GPC6: variants seen among roughly 807,000 people sequenced by gnomAD.
The protein encoded by GPC6 is glypican 6, also known as glypican-6.
GPC6 carries 14 observed loss-of-function variants against 55.2 expected under a neutral mutation model. The observed-to-expected ratio is 0.25, with a 90% confidence interval of 0.17 to 0.40. GPC6 has a LOEUF of 0.40. GPC6 is among the 10% of genes least tolerant of loss of function. The probability of loss-of-function intolerance (pLI) is 1.00; values close to 1 mark genes in which losing one functional copy is unlikely to be tolerated. For synonymous variants in GPC6, 278 were observed against 259.6 expected (o/e 1.07, Z -0.68); for missense variants, 641 against 708.5 (o/e 0.90, Z 1.08).
intron 6 of GPC6, among the ~76,000 whole-genome samples, chr13:94,332,709 G>A (rs963185937): frequency 3.3e-5 from 5 of 152,172 alleles, no homozygotes; most frequent in South Asian, 2.1e-4. Flanking sequence ...GATTATTTTC[G>A]AAAAGGTTTT....
intron 2 of GPC6, among the ~76,000 whole-genome samples, chr13:93,546,595 A>G (rs1386463866): frequency 1.3e-5 from 2 of 152,202 alleles, no homozygotes; most frequent in African/African-American, 4.8e-5. Flanking sequence ...GTGGATGTAT[A>G]TGAAAATAAT....
chr13:93,780,594 TAC>T (rs35134947), intron 2 of GPC6, among the ~76,000 whole-genome samples: 52,291 of 143,610 alleles, frequency 0.36, 9,451 homozygotes, highest in African/African-American at 0.47. Context: ...ATCACAAAAA[TAC>T]ACACACACAC....
At chr13:93,654,120 A>T (rs1190715465) in intron 2 of GPC6, among the ~76,000 whole-genome samples, 2 of 151,898 alleles carry the variant, frequency 1.3e-5, no homozygotes, top group Admixed American at 1.3e-4. Flanking sequence ...TTATTTGTAG[A>T]CCCTCCTTCT....
chr13:93,563,949 T>C (rs1171378519), intron 2 of GPC6, among the ~76,000 whole-genome samples: 1 of 152,082 alleles, frequency 6.6e-6, no homozygotes, highest in African/African-American at 2.4e-5. Flanking sequence ...AGTTCTTCAG[T>C]GGTGATTTCT....
At chr13:93,914,403 T>A (rs1054579083) in intron 3 of GPC6, among the ~76,000 whole-genome samples, 4 of 152,196 alleles carry the variant, frequency 2.6e-5, no homozygotes, top group African/African-American at 9.7e-5. Flanking sequence ...TAACTCATCA[T>A]TTTTTATGGC....
At chr13:94,361,976 T>C (rs535164690) in intron 6 of GPC6, among the ~76,000 whole-genome samples, 3 of 152,334 alleles carry the variant, frequency 2.0e-5, no homozygotes, top group Non-Finnish European at 2.9e-5. Flanking sequence ...TTATAAAAAA[T>C]CCTTTCTAAG....
chr13:93,499,064 A>G (rs184266792), intron 1 of GPC6, among the ~76,000 whole-genome samples: 2 of 150,674 alleles, frequency 1.3e-5, no homozygotes, highest in African/African-American at 4.9e-5. Context: ...ACAAAAATTA[A>G]CATAGTATAT....
chr13:93,980,532 T>C (rs1033231898), intron 3 of GPC6, among the ~76,000 whole-genome samples: 1 of 152,158 alleles, frequency 6.6e-6, no homozygotes, highest in Non-Finnish European at 1.5e-5. Context: ...AGGGATGGCA[T>C]TGGCACTCTA....
chr13:94,345,941 C>G (rs1878263684), intron 6 of GPC6, among the ~76,000 whole-genome samples: 2 of 152,104 alleles, frequency 1.3e-5, no homozygotes, highest in Admixed American at 6.5e-5. Context: ...CAGGCCTTCT[C>G]TAAGCTTCTA....
intron 4 of GPC6, among the ~76,000 whole-genome samples, chr13:94,259,267 C>A (rs1042653680): frequency 4.6e-5 from 7 of 152,156 alleles, no homozygotes; most frequent in Admixed American, 1.3e-4. Context: ...AAACCAATAA[C>A]CAACAAGGAG....
chr13:93,436,888 T>C (rs1877591417), intron 1 of GPC6, among the ~76,000 whole-genome samples: 1 of 152,126 alleles, frequency 6.6e-6, no homozygotes, highest in South Asian at 2.1e-4. Context: ...TAGTGCTTTT[T>C]TGGGGGGTTT....
chr13:93,690,498 T>TAA, intron 2 of GPC6, among the ~76,000 whole-genome samples: 1 of 152,098 alleles, frequency 6.6e-6, no homozygotes, highest in African/African-American at 2.4e-5. Flanking sequence ...TAGAATTTTC[T>TAA]GATTCTAAAA....
intron 2 of GPC6, among the ~76,000 whole-genome samples, chr13:93,821,874 T>C (rs928648708): frequency 2.0e-5 from 3 of 152,108 alleles, no homozygotes; most frequent in African/African-American, 4.8e-5. Flanking sequence ...ATAACTATTA[T>C]AGAGAATTTT....
At chr13:93,605,797 G>A (rs913284775) in intron 2 of GPC6, among the ~76,000 whole-genome samples, 16 of 146,568 alleles carry the variant, frequency 1.1e-4, no homozygotes, top group Admixed American at 3.5e-4. Flanking sequence ...AGCTGAGATC[G>A]TGCCACTGCA....
At chr13:93,775,056 A>G (rs1885422931) in intron 2 of GPC6, among the ~76,000 whole-genome samples, 1 of 152,212 alleles carries the variant, frequency 6.6e-6, no homozygotes, top group Admixed American at 6.5e-5. Flanking sequence ...AGTGCTGCAT[A>G]TATAATAGAA....
At chr13:94,147,820 G>T (rs1457637427) in intron 4 of GPC6, among the ~76,000 whole-genome samples, 1 of 152,034 alleles carries the variant, frequency 6.6e-6, no homozygotes, top group Non-Finnish European at 1.5e-5. Context: ...TAACATTCTT[G>T]TAGATCACTG....
intron 1 of GPC6, among the ~76,000 whole-genome samples, chr13:93,264,029 C>T (rs1200082406): frequency 6.6e-6 from 1 of 152,060 alleles, no homozygotes; most frequent in African/African-American, 2.4e-5. Context: ...GTGTCTGTAG[C>T]TCCTGGCCTA....
intron 5 of GPC6, among the ~76,000 whole-genome samples, chr13:94,287,944 T>A (rs150687343): frequency 2.7e-4 from 41 of 152,310 alleles, no homozygotes; most frequent in African/African-American, 9.9e-4. Context: ...GAAGTAGGTG[T>A]CTGTTTCCAT....
intron 8 of GPC6, among the ~76,000 whole-genome samples, chr13:94,399,399 G>T (rs1881033514): frequency 6.6e-6 from 1 of 152,298 alleles, no homozygotes. Flanking sequence ...CTATATATGG[G>T]TTTTGTCTGA....
Sources: allele counts gnomAD v4.1 joint callset (sites outside exome capture counted in the v4.1 genomes callset), GRCh38; gene constraint gnomAD v4.1.1; transcripts MANE v1.5; gene names NCBI Gene and HGNC (gene_info 2026-07-23, HGNC 2026-07-21).